PCSK4: variants seen among roughly 807,000 people sequenced by gnomAD.
The protein encoded by PCSK4 is proprotein convertase subtilisin/kexin type 4, also known as testicular tissue protein Li 135.
PCSK4 carries 64 observed loss-of-function variants against 80.3 expected under a neutral mutation model. The ratio of observed to expected loss-of-function variants is 0.80; its 90% CI spans 0.65 to 0.98. PCSK4 has a LOEUF of 0.98. Among genes scored for constraint, PCSK4 ranks in the 50% least tolerant of loss-of-function variants. The pLI, the probability that PCSK4 is intolerant of heterozygous loss-of-function variation, is 0.00. For synonymous variants in PCSK4, 561 were observed against 487.6 expected, an observed-to-expected ratio of 1.15 and a Z score of -1.98; for missense variants, 1,213 against 1,093.6, an observed-to-expected ratio of 1.11 and a Z score of -1.54.
chr19:1,488,092 T>G (rs766677024), exon 4 of PCSK4: 1 of 1,612,924 alleles, frequency 6.2e-7, no homozygotes, highest in African/African-American at 1.3e-5. Context: ...GCCTCGCTGT[T>G]CTGCAGGGGG....
chr19:1,490,159 G>T (rs776291624), exon 1 of PCSK4: 2 of 1,613,538 alleles, frequency 1.2e-6, no homozygotes, highest in South Asian at 2.2e-5. Flanking sequence ...CCCACCCACC[G>T]GCCCCAGGTT....
chr19:1,483,565 C>A, intron 11 of PCSK4, 85 bp downstream of exon 11: 4 of 1,420,142 alleles, frequency 2.8e-6, no homozygotes, highest in Non-Finnish European at 3.8e-6. Context: ...GTCCAGCCCT[C>A]GTTTTACAGA....
chr19:1,482,356 G>T (rs2084341535), exon 14 of PCSK4: 4 of 1,541,326 alleles, frequency 2.6e-6, no homozygotes, highest in South Asian at 2.4e-5. Flanking sequence ...CACTCACCCT[G>T]GCACAGCCCC....
exon 8 of PCSK4, chr19:1,487,017 C>T (rs150486893): frequency 7.5e-6 from 12 of 1,608,468 alleles, no homozygotes; most frequent in East Asian, 2.2e-5. Flanking sequence ...TAGTGCAGGC[C>T]GCCGTTGCCC....
chr19:1,482,121 C>A, exon 15 of PCSK4: 3 of 1,553,838 alleles, frequency 1.9e-6, no homozygotes, highest in Non-Finnish European at 2.6e-6. Flanking sequence ...CCAGGCCCAG[C>A]GGTCACCAGC....
upstream of PCSK4, chr19:1,490,662 C>T (rs936343727): frequency 2.9e-6 from 1 of 349,634 alleles, no homozygotes; most frequent in Non-Finnish European, 5.2e-6. Flanking sequence ...ACCTCTCCCA[C>T]TTTCCAACAC....
intron 6 of PCSK4, 88 bp downstream of exon 6, chr19:1,487,515 G>T: frequency 8.3e-7 from 1 of 1,209,474 alleles, no homozygotes. Context: ...GAGAGGGTGG[G>T]CTCCCGAGTC....
At chr19:1,489,771 T>G (rs791468) in intron 2 of PCSK4, 22 bp downstream of exon 2, 585,050 of 1,593,562 alleles carry the variant, frequency 0.37, 113,138 homozygotes, top group African/African-American at 0.72. Flanking sequence ...GGGCAGGGGG[T>G]TGGCCTCCAG....
chr19:1,486,899 G>A (rs1568216143), exon 8 of PCSK4: 2 of 1,601,388 alleles, frequency 1.2e-6, no homozygotes, highest in South Asian at 1.1e-5. Flanking sequence ...GGTGGTGAGG[G>A]TGGAGGCGCA....
chr19:1,488,150 G>GCCCCGT (rs777393680), intron 3 of PCSK4, 38 bp downstream of exon 3: 4 of 1,613,038 alleles, frequency 2.5e-6, no homozygotes, highest in Non-Finnish European at 3.4e-6. Context: ...GGCGCCAGCG[G>GCCCCGT]CCCCGTCCCC....
At chr19:1,485,780 A>C (rs1029714275) in intron 8 of PCSK4, among the ~76,000 whole-genome samples, 6 of 151,698 alleles carry the variant, frequency 4.0e-5, no homozygotes, top group African/African-American at 1.4e-4. Flanking sequence ...CTGAGGAAGG[A>C]GAATGGTGTG....
rs1347350839 is a variant in PCSK4, at chr19:1,483,642, G to A, written c.1391+8C>T. The A allele has an allele frequency of 5.7e-6, 9 of 1,575,676 alleles. No homozygotes were observed. The highest frequency in any genetic ancestry group is 6.9e-6 in the Non-Finnish European group (8 of 1,164,650). ...CGGGGATAGCGGAGGGGCGCGCAGGGGTCTCACGTGGGGCGGCTCTGGACC... is the reference window on the plus strand; with the variant it reads ...CGGGGATAGCGGAGGGGCGCGCAGGAGTCTCACGTGGGGCGGCTCTGGACC... On this transcript the variant is annotated splice_region_variant and intron_variant, in intron 11 of 14. Coordinates refer to ENST00000300954, the Ensembl canonical transcript of PCSK4.
At chr19:1,490,098 G>T in intron 1 of PCSK4, 60 bp downstream of exon 1, 1 of 1,597,798 alleles carries the variant, frequency 6.3e-7, no homozygotes, top group East Asian at 2.3e-5. Flanking sequence ...CCTTGTCGGG[G>T]TCTAGGGTTG....
chr19:1,486,595 C>CT (rs1555685695), intron 8 of PCSK4, among the ~76,000 whole-genome samples: 51 of 147,844 alleles, frequency 3.4e-4, no homozygotes, highest in African/African-American at 7.4e-4. Flanking sequence ...CGTGCCTGGC[C>CT]TTTTTTTTTT....
chr19:1,489,171 G>A (rs192170395), intron 2 of PCSK4, among the ~76,000 whole-genome samples: 37 of 138,460 alleles, frequency 2.7e-4, no homozygotes, highest in Admixed American at 7.0e-4. Context: ...TCGCTCTGTC[G>A]CCCAGGCTGG....
At chr19:1,483,989 G>A (rs1372770783) in intron 9 of PCSK4, 38 bp downstream of exon 9, 1 of 1,482,156 alleles carries the variant, frequency 6.7e-7, no homozygotes, top group African/African-American at 1.5e-5. Flanking sequence ...GCCGCGCCTG[G>A]GGGCGAGGGC....
chr19:1,484,091 G>A lies in PCSK4; in HGVS notation c.1105C>T (p.His369Tyr). The A allele has an allele frequency of 1.3e-6, 2 of 1,566,738 alleles. No homozygotes were observed. Among genetic ancestry groups the A allele is most frequent in the Non-Finnish European group, 1.7e-6 (2 of 1,157,666 alleles). ...GGGGCTGAGGCCGAGGTGCCCGTGT[G>A]CTGGTCTGTGCACCCGTGATGCAGG... is the stretch of plus-strand genomic sequence containing the variant. The change falls in exon 9 of 15, where the codon CAC becomes TAC. Residue 369 changes from histidine to tyrosine, a missense_variant. Transcript: ENST00000300954.
rs1413522513 is a variant in PCSK4 at position 1,481,594 on chromosome 19, T to C, written c.*165A>G. The C allele has an allele frequency of 2.2e-5, 11 of 507,160 alleles. No homozygotes were observed. In the East Asian group the frequency reaches 3.0e-4, roughly 14 times the overall value. The allele number at this position is 507,160 out of a possible 1,614,324, so 31.4% of individuals were successfully genotyped here. On this transcript the variant is annotated 3_prime_UTR_variant, in exon 15 of 15. Coordinates refer to ENST00000300954, the Ensembl canonical transcript of PCSK4. Reference sequence around the variant, plus strand: ...CCAAAATGCAGAGGAGACTTCTCTCTCTCTCTCTCCCGCCAGGCTTCGGGG... The same window carrying C: ...CCAAAATGCAGAGGAGACTTCTCTCCCTCTCTCTCCCGCCAGGCTTCGGGG...
At chr19:1,485,116 C>T (rs1431468557) in intron 8 of PCSK4, among the ~76,000 whole-genome samples, 1 of 151,744 alleles carries the variant, frequency 6.6e-6, no homozygotes. Context: ...CCACTGCACT[C>T]CAACCTGGGT....
Sources: allele counts gnomAD v4.1 joint callset (sites outside exome capture counted in the v4.1 genomes callset), GRCh38; gene constraint gnomAD v4.1.1; transcripts MANE v1.5; gene names NCBI Gene and HGNC (gene_info 2026-07-23, HGNC 2026-07-21).